Variants in NRF1 observed in about 807,000 individuals in gnomAD.
NRF1 encodes nuclear respiratory factor 1, also known as alpha palindromic-binding protein.
NRF1 carries 5 observed loss-of-function variants against 58.5 expected under a neutral mutation model. The observed-to-expected ratio is 0.09, with a 90% CI of 0.04 to 0.18. The LOEUF is 0.18. Ranked by LOEUF, NRF1 falls within the 10% of genes least tolerant of loss-of-function variation. The probability of loss-of-function intolerance (pLI) is 1.00; values close to 1 mark genes in which losing one functional copy is unlikely to be tolerated. For synonymous variants in NRF1, 224 were observed against 246.7 expected, an observed-to-expected ratio of 0.91 and a Z score of 0.86; for missense variants, 288 against 657.7, an observed-to-expected ratio of 0.44 and a Z score of 6.15.
At chr7:129,682,630 TAAAAAAAAAAA>T (rs771494622) in intron 4 of NRF1, among the ~76,000 whole-genome samples, 17 of 87,872 alleles carry the variant, frequency 1.9e-4, no homozygotes, top group African/African-American at 5.2e-4. Flanking sequence ...CAAAAAAATG[TAAAAAAAAAAA>T]AAAAAAAAAA....
chr7:129,676,549 A>T (rs1263422583), intron 3 of NRF1, among the ~76,000 whole-genome samples: 1 of 152,242 alleles, frequency 6.6e-6, no homozygotes, highest in Non-Finnish European at 1.5e-5. Flanking sequence ...CACACACAAC[A>T]TTTATCAGTC....
At chr7:129,690,289 T>C (rs563362343) in intron 4 of NRF1, 117 bp from the exon 5 acceptor site, 1 of 940,664 alleles carries the variant, frequency 1.1e-6, no homozygotes, top group East Asian at 2.5e-5. Flanking sequence ...GAAGTGTTTG[T>C]TTTTAAGGCT....
At chr7:129,753,373 C>T (rs1471634032) in intron 10 of NRF1, among the ~76,000 whole-genome samples, 1 of 152,180 alleles carries the variant, frequency 6.6e-6, no homozygotes, top group Non-Finnish European at 1.5e-5. Context: ...TTAGCCTCAT[C>T]CCTCTTTCTG....
chr7:129,616,040 A>AAT (rs201544557), intron 1 of NRF1, among the ~76,000 whole-genome samples: 19 of 151,830 alleles, frequency 1.3e-4, no homozygotes, highest in Non-Finnish European at 1.9e-4. Context: ...TATACCTTAG[A>AAT]ATATATATAT....
chr7:129,624,678 TTTA>T (rs532728568), intron 1 of NRF1, among the ~76,000 whole-genome samples: 1 of 152,042 alleles, frequency 6.6e-6, no homozygotes, highest in Admixed American at 6.6e-5. Flanking sequence ...CCTGAGCCTT[TTTA>T]TTATTATTAT....
At chr7:129,692,758 AC>A (rs1233527854) in intron 5 of NRF1, among the ~76,000 whole-genome samples, 2 of 152,014 alleles carry the variant, frequency 1.3e-5, no homozygotes, top group Non-Finnish European at 2.9e-5. Flanking sequence ...GGCTGCGGCC[AC>A]TGTAGCCCTC....
chr7:129,680,813 G>A (rs1286636232), intron 4 of NRF1, among the ~76,000 whole-genome samples: 1 of 152,198 alleles, frequency 6.6e-6, no homozygotes, highest in Non-Finnish European at 1.5e-5. Flanking sequence ...AGAGAGTGAC[G>A]CCAGTGGGCA....
At chr7:129,674,915 C>T (rs897182767) in intron 3 of NRF1, among the ~76,000 whole-genome samples, 4 of 152,162 alleles carry the variant, frequency 2.6e-5, no homozygotes, top group African/African-American at 9.7e-5. Flanking sequence ...AAATTTTGCC[C>T]TATCGATTGA....
chr7:129,731,356 C>A (rs1427439194), intron 10 of NRF1, among the ~76,000 whole-genome samples: 2 of 151,954 alleles, frequency 1.3e-5, no homozygotes, highest in African/African-American at 4.8e-5. Flanking sequence ...GAAGACATTG[C>A]ACCTAGCACC....
chr7:129,612,735 T>C (rs899048138), intron 1 of NRF1, among the ~76,000 whole-genome samples: 4 of 152,174 alleles, frequency 2.6e-5, no homozygotes, highest in Non-Finnish European at 5.9e-5. Flanking sequence ...TATTTTCCCA[T>C]ATCCCCAGAC....
intron 3 of NRF1, among the ~76,000 whole-genome samples, chr7:129,676,516 G>A (rs1326345662): frequency 1.3e-5 from 2 of 152,234 alleles, no homozygotes; most frequent in African/African-American, 4.8e-5. Flanking sequence ...GCAGGAAACA[G>A]TTGGTCAGTG....
intron 1 of NRF1, among the ~76,000 whole-genome samples, chr7:129,630,912 T>G (rs1273158008): frequency 6.6e-6 from 1 of 152,220 alleles, no homozygotes; most frequent in African/African-American, 2.4e-5. Flanking sequence ...CTAAAAAAAT[T>G]ATTTTGTAGG....
intron 4 of NRF1, among the ~76,000 whole-genome samples, chr7:129,680,488 G>T (rs1197463437): frequency 6.6e-6 from 1 of 152,150 alleles, no homozygotes; most frequent in East Asian, 1.9e-4. Flanking sequence ...ACACAAACTT[G>T]TATACAGTGT....
intron 9 of NRF1, 54 bp downstream of exon 9, chr7:129,717,430 A>G: frequency 6.5e-7 from 1 of 1,540,368 alleles, no homozygotes; most frequent in Non-Finnish European, 8.8e-7. Context: ...CCCTGCAGAT[A>G]TGGGTGGAGG....
intron 10 of NRF1, among the ~76,000 whole-genome samples, chr7:129,748,274 C>CAAAAAAAA (rs10655886): frequency 6.4e-5 from 5 of 78,058 alleles, no homozygotes; most frequent in East Asian, 4.0e-4. Flanking sequence ...GACTCCGTCT[C>CAAAAAAAA]AAAAAAAAAA....
intron 10 of NRF1, among the ~76,000 whole-genome samples, chr7:129,729,702 G>A (rs1276394000): frequency 1.3e-5 from 2 of 152,192 alleles, no homozygotes; most frequent in Non-Finnish European, 2.9e-5. Context: ...CAGTGCTATA[G>A]TATTTACTTT....
chr7:129,718,241 G>A (rs1302188080), intron 9 of NRF1, among the ~76,000 whole-genome samples: 16 of 152,150 alleles, frequency 1.1e-4, no homozygotes, highest in Non-Finnish European at 2.1e-4. Flanking sequence ...TAATGGTCAA[G>A]AGTGTGAGCC....
chr7:129,691,370 T>A (rs866686870), intron 5 of NRF1, among the ~76,000 whole-genome samples: 3 of 148,044 alleles, frequency 2.0e-5, no homozygotes, highest in East Asian at 1.9e-4. Flanking sequence ...TATTATTTTT[T>A]TTTTTTTTTG....
At chr7:129,640,456 G>A (rs540281337) in intron 1 of NRF1, among the ~76,000 whole-genome samples, 42 of 152,192 alleles carry the variant, frequency 2.8e-4, no homozygotes, top group African/African-American at 9.6e-4. Context: ...GCTGCAGTGA[G>A]CCATGATTGC....
Sources: gnomAD v4.1 joint callset for allele counts (sites outside exome capture counted in the v4.1 genomes callset) on GRCh38, gnomAD v4.1.1 for gene constraint, MANE v1.5 for transcripts, NCBI Gene and HGNC (gene_info 2026-07-23, HGNC 2026-07-21) for gene names.